Variants in COX7A2L observed in about 807,000 individuals in gnomAD.
COX7A2L encodes cytochrome c oxidase subunit 7A2 like.
In COX7A2L, 18 loss-of-function variants were observed where a neutral mutation model predicts 14.2. The observed-to-expected ratio is 1.27, with a 90% CI of 0.88 to 1.88. COX7A2L has a LOEUF of 1.88. Among genes scored for constraint, COX7A2L ranks in the 40% most tolerant of loss-of-function variants. The probability of loss-of-function intolerance (pLI) is 0.00; values close to 1 mark genes in which losing one functional copy is unlikely to be tolerated. For missense variants in COX7A2L, 179 were observed against 138.8 expected, an observed-to-expected ratio of 1.29 and a Z score of -1.46; for synonymous variants, 65 against 57.4, an observed-to-expected ratio of 1.13 and a Z score of -0.60.
intron 1 of COX7A2L, chr2:42,359,088 C>T (rs1670930978): frequency 6.6e-6 from 1 of 152,202 alleles, no homozygotes; most frequent in African/African-American, 2.4e-5. Context: ...ACTACTGATA[C>T]GTACAACACG....
At chr2:42,348,801 C>A (rs1168794033), downstream of COX7A2L, among the ~76,000 whole-genome samples, 1 of 151,988 alleles carries the variant, frequency 6.6e-6, no homozygotes, top group Middle Eastern at 3.2e-3. Context: ...ACCTGTAGTC[C>A]TAGTTACTCG....
chr2:42,362,519 T>C (rs1258361850), upstream of COX7A2L, among the ~76,000 whole-genome samples: 1 of 152,198 alleles, frequency 6.6e-6, no homozygotes, highest in Admixed American at 6.5e-5. Flanking sequence ...AGTAACTTGC[T>C]CAGGTCAGGG....
intron 2 of COX7A2L, among the ~76,000 whole-genome samples, chr2:42,352,619 T>C (rs1180694701): frequency 6.6e-6 from 1 of 152,194 alleles, no homozygotes; most frequent in Non-Finnish European, 1.5e-5. Context: ...AGGGGGAAGC[T>C]ACCTTACAGC....
upstream of COX7A2L, among the ~76,000 whole-genome samples, chr2:42,365,481 G>C (rs555925680): frequency 6.6e-6 from 1 of 152,166 alleles, no homozygotes; most frequent in Non-Finnish European, 1.5e-5. Flanking sequence ...ACAAAAATTA[G>C]TTGGGCATGG....
At chr2:42,360,475 G>A (rs1317491722) in intron 1 of COX7A2L, among the ~76,000 whole-genome samples, 2 of 152,150 alleles carry the variant, frequency 1.3e-5, no homozygotes, top group East Asian at 1.9e-4. Flanking sequence ...GAATCTGCGT[G>A]AAATGGAATA....
chr2:42,360,981 G>A (rs1176481311), intron 1 of COX7A2L, 109 bp downstream of exon 1: 8 of 1,166,468 alleles, frequency 6.9e-6, no homozygotes, highest in East Asian at 2.5e-5. Context: ...GAACAGAGAC[G>A]AACTCGACCG....
chr2:42,362,624 G>A (rs900692860), upstream of COX7A2L, among the ~76,000 whole-genome samples: 2 of 152,150 alleles, frequency 1.3e-5, no homozygotes, highest in African/African-American at 4.8e-5. Context: ...AAAAGAGGAG[G>A]ATCAAGGCTG....
downstream of COX7A2L, chr2:42,349,282 T>C (rs1430785732): frequency 2.0e-5 from 3 of 152,134 alleles, no homozygotes; most frequent in Non-Finnish European, 4.4e-5. Context: ...TAATAGAGTA[T>C]CGATTCATGC....
chr2:42,344,025 C>G (rs905883657), intron 2 of COX7A2L, among the ~76,000 whole-genome samples: 8 of 152,284 alleles, frequency 5.3e-5, no homozygotes, highest in Middle Eastern at 3.4e-3. Context: ...TAAGTGGGCA[C>G]TGCTTTACAA....
downstream of COX7A2L, among the ~76,000 whole-genome samples, chr2:42,347,487 T>C (rs971982775): frequency 1.3e-5 from 2 of 152,048 alleles, no homozygotes; most frequent in Admixed American, 6.5e-5. Context: ...TGAAACTGAA[T>C]ACCCTTCAAA....
At chr2:42,361,263 G>A (rs1671042573), upstream of COX7A2L, 2 of 1,127,328 alleles carry the variant, frequency 1.8e-6, no homozygotes, top group Non-Finnish European at 2.6e-6. Flanking sequence ...GCAAGGACCC[G>A]GTGCTGGGAC....
At chr2:42,358,908 A>G (rs1013417348) in intron 1 of COX7A2L, among the ~76,000 whole-genome samples, 13 of 152,306 alleles carry the variant, frequency 8.5e-5, no homozygotes, top group African/African-American at 3.1e-4. Context: ...AGGTGACAGG[A>G]CTGCCTGAGC....
At chr2:42,364,452 T>G (rs184511059), upstream of COX7A2L, among the ~76,000 whole-genome samples, 419 of 152,210 alleles carry the variant, frequency 2.8e-3, 2 homozygotes, top group African/African-American at 9.4e-3. Flanking sequence ...TTATGTCTAC[T>G]CTCTCTTTTT....
upstream of COX7A2L, among the ~76,000 whole-genome samples, chr2:42,362,777 G>C (rs915023825): frequency 6.6e-6 from 1 of 151,778 alleles, no homozygotes; most frequent in African/African-American, 2.4e-5. Flanking sequence ...TTTACAAAGA[G>C]ACACTGTGAT....
chr2:42,353,755 G>A (rs1337453166), intron 1 of COX7A2L, among the ~76,000 whole-genome samples: 1 of 152,088 alleles, frequency 6.6e-6, no homozygotes, highest in Non-Finnish European at 1.5e-5. Context: ...TGTGGAACAG[G>A]CTTACTGGTT....
At chr2:42,340,752 C>T (rs1670387313) in intron 2 of COX7A2L, among the ~76,000 whole-genome samples, 1 of 152,196 alleles carries the variant, frequency 6.6e-6, no homozygotes, top group South Asian at 2.1e-4. Context: ...TCTCACCTTC[C>T]CGGGGCCTGG....
upstream of COX7A2L, among the ~76,000 whole-genome samples, chr2:42,364,595 G>A (rs369285776): frequency 2.0e-5 from 3 of 152,158 alleles, no homozygotes; most frequent in Admixed American, 1.3e-4. Flanking sequence ...GCAATTATTC[G>A]GTAATTTTCA....
intron 1 of COX7A2L, among the ~76,000 whole-genome samples, chr2:42,357,998 C>T (rs1670880092): frequency 6.6e-6 from 1 of 152,176 alleles, no homozygotes; most frequent in African/African-American, 2.4e-5. Flanking sequence ...ACCATTCTGC[C>T]ATCTTAATTG....
chr2:42,360,547 C>T (rs1340837578), intron 1 of COX7A2L, among the ~76,000 whole-genome samples: 2 of 152,188 alleles, frequency 1.3e-5, no homozygotes, highest in East Asian at 3.8e-4. Context: ...AAAGTGTAAC[C>T]TCGCTGCATG....
Sources: gnomAD v4.1 joint callset for allele counts (sites outside exome capture counted in the v4.1 genomes callset) on GRCh38, gnomAD v4.1.1 for gene constraint, MANE v1.5 for transcripts, NCBI Gene and HGNC (gene_info 2026-07-23, HGNC 2026-07-21) for gene names.